The following GPR176 variants were observed in gnomAD, a reference collection of about 807,000 sequenced individuals.
GPR176 encodes G-protein coupled receptor 176.
Under a neutral mutation model 35.4 loss-of-function variants are expected in GPR176, and 26 were observed. The observed-to-expected ratio is 0.74, with a 90% CI of 0.54 to 1.02. GPR176 has a LOEUF of 1.02. GPR176 is among the 50% of genes least tolerant of loss of function. The probability of loss-of-function intolerance (pLI) is 0.00; values close to 1 mark genes in which losing one functional copy is unlikely to be tolerated. For missense variants in GPR176, 597 were observed against 665.3 expected, an observed-to-expected ratio of 0.90 and a Z score of 1.13; for synonymous variants, 278 against 271.3, an observed-to-expected ratio of 1.02 and a Z score of -0.24.
At chr15:39,865,216 A>G (rs1052207742) in intron 1 of GPR176, among the ~76,000 whole-genome samples, 2 of 152,124 alleles carry the variant, frequency 1.3e-5, no homozygotes, top group African/African-American at 4.8e-5. Context: ...CCCAAAGGAA[A>G]ACAGATCCTT....
rs1280728600 is a variant in GPR176, at chr15:39,802,371, G to A, written c.426-117C>T. The A allele has an allele frequency of 3.7e-6, 3 of 801,432 alleles. No homozygotes were observed. The East Asian group carries it at 8.1e-5, about 22-fold the overall frequency. The allele number at this position is 801,432 out of a possible 1,614,324, so 49.6% of individuals were successfully genotyped here. A position where few individuals can be genotyped will look rare whatever the true frequency, so the allele number is the denominator to read the frequency against. ...GGTCAAGTTCTTCTATTCGGCCTAA[G>A]ACAGAAAAGCACTGGGGGAATCCAG... On this transcript the variant is annotated intron_variant, in intron 2 of 2. Coordinates refer to ENST00000561100, the MANE Select transcript of GPR176 (RefSeq NM_007223.3).
rs570348729 is a variant in GPR176 at position 39,917,497 on chromosome 15, A to G, written c.172+2358T>C. ...ATTACACGTGCATGCCACCACATGC[A>G]GCTAATTTTTGTATTTTTAGTACAG... On this transcript the variant is annotated intron_variant, in intron 1 of 2. Transcript: ENST00000561100. Among the ~76,000 whole-genome samples the G allele has an allele frequency of 2.4e-4, 37 of 151,196 alleles. No individual in the cohort carries two copies. In the South Asian group the frequency reaches 2.9e-3, roughly 12 times the overall value.
At chr15:39,819,915 T>C (rs190827109) in intron 1 of GPR176, among the ~76,000 whole-genome samples, 1 of 152,196 alleles carries the variant, frequency 6.6e-6, no homozygotes, top group South Asian at 2.1e-4. Flanking sequence ...CTCCTTATGA[T>C]CTGACACAAT....
intron 1 of GPR176, among the ~76,000 whole-genome samples, chr15:39,898,071 T>C (rs376167678): frequency 6.2e-4 from 95 of 152,350 alleles, no homozygotes; most frequent in African/African-American, 2.3e-3. Flanking sequence ...CTGGGGACCA[T>C]ATTAGTGAAA....
intron 1 of GPR176, among the ~76,000 whole-genome samples, chr15:39,866,776 C>CT (rs1387287714): frequency 6.6e-6 from 1 of 152,138 alleles, no homozygotes; most frequent in East Asian, 1.9e-4. Flanking sequence ...TAAAGTTGAA[C>CT]TTTTTAAATG....
intron 1 of GPR176, among the ~76,000 whole-genome samples, chr15:39,901,375 C>T (rs928719689): frequency 2.6e-5 from 4 of 152,094 alleles, no homozygotes; most frequent in East Asian, 1.9e-4. Flanking sequence ...AGTCAGATTA[C>T]GGAAGGGGCC....
chr15:39,806,955 T>C lies in GPR176; in HGVS notation c.425+51A>G. ...TCATCATTTGCTTCATGATGCTAAT[T>C]TTTTAATACAACTTAAAAAAAAAAG... On this transcript the variant is annotated intron_variant, in intron 2 of 2. Coordinates refer to ENST00000561100, the MANE Select transcript of GPR176 (RefSeq NM_007223.3). 4 of 1,528,080 alleles carry C rather than the reference T, an allele frequency of 2.6e-6. No homozygotes were observed. In the African/African-American group the frequency reaches 5.5e-5, roughly 21 times the overall value. The allele number at this position is 1,528,080 out of a possible 1,614,324, so 94.7% of individuals were successfully genotyped here. A position where few individuals can be genotyped will look rare whatever the true frequency, so the allele number is the denominator to read the frequency against.
At chr15:39,837,527 C>T (rs1367826199) in intron 1 of GPR176, among the ~76,000 whole-genome samples, 1 of 152,168 alleles carries the variant, frequency 6.6e-6, no homozygotes, top group Admixed American at 6.5e-5. Context: ...TTTGATTCCA[C>T]AGATCCCATG....
intron 1 of GPR176, among the ~76,000 whole-genome samples, chr15:39,812,356 G>A (rs1235396640): frequency 1.3e-5 from 2 of 152,168 alleles, no homozygotes; most frequent in African/African-American, 2.4e-5. Context: ...GCAGAAAAAC[G>A]TGGAAAGACT....
intron 1 of GPR176, among the ~76,000 whole-genome samples, chr15:39,898,878 G>A (rs973397875): frequency 6.6e-6 from 1 of 152,148 alleles, no homozygotes; most frequent in African/African-American, 2.4e-5. Context: ...AGGGGTCAAG[G>A]AGCAAGAGAC....
chr15:39,825,490 T>C (rs1338904172), intron 1 of GPR176, among the ~76,000 whole-genome samples: 1 of 152,074 alleles, frequency 6.6e-6, no homozygotes, highest in African/African-American at 2.4e-5. Flanking sequence ...ATGGTATTAT[T>C]ATTTTGTAAA....
chr15:39,801,007 C>T lies in GPR176; in HGVS notation c.*125G>A. ...TCCCTATCATTCAAAAGCATCTGGC[C>T]CATATTGGAGGAATCAACTCACACT... On this transcript the variant is annotated 3_prime_UTR_variant, in exon 3 of 3. Transcript: ENST00000561100. 1.3e-6 allele frequency: 1 copy of T among 778,812 alleles called. No homozygotes were observed. Among genetic ancestry groups the T allele is most frequent in the South Asian group, 1.7e-5 (1 of 58,584 alleles). The allele number at this position is 778,812 out of a possible 1,614,324, so 48.2% of individuals were successfully genotyped here.
intron 1 of GPR176, among the ~76,000 whole-genome samples, chr15:39,837,466 A>G (rs887338016): frequency 6.6e-6 from 1 of 152,098 alleles, no homozygotes; most frequent in Non-Finnish European, 1.5e-5. Flanking sequence ...GGTAAATCCT[A>G]TTTAAGCTTT....
chr15:39,814,876 A>G (rs915409793), intron 1 of GPR176: 4 of 152,220 alleles, frequency 2.6e-5, no homozygotes, highest in Non-Finnish European at 5.9e-5. Context: ...CCCAGACTCA[A>G]TACCCAGCTC....
chr15:39,888,449 C>G (rs1289788605), intron 1 of GPR176, among the ~76,000 whole-genome samples: 1 of 152,124 alleles, frequency 6.6e-6, no homozygotes, highest in Admixed American at 6.5e-5. Context: ...TCACACTTGG[C>G]TAAGACTCTT....
chr15:39,886,785 C>T (rs999402430), intron 1 of GPR176, among the ~76,000 whole-genome samples: 1 of 152,158 alleles, frequency 6.6e-6, no homozygotes, highest in Non-Finnish European at 1.5e-5. Context: ...TAATGACAGA[C>T]CTGGGCCTGC....
chr15:39,813,611 T>C (rs940431275), intron 1 of GPR176: 2 of 152,162 alleles, frequency 1.3e-5, no homozygotes, highest in Admixed American at 6.5e-5. Flanking sequence ...TTTATAGCAG[T>C]TTAAATATGA....
rs778932190 is a variant in GPR176, at chr15:39,919,929, T to A, written c.98A>T (p.Glu33Val). 9.9e-6 allele frequency: 15 copies of A among 1,522,266 alleles called. No individual in the cohort carries two copies. Among genetic ancestry groups the A allele is most frequent in the Non-Finnish European group, 1.3e-5 (15 of 1,138,666 alleles). The allele number at this position is 1,522,266 out of a possible 1,614,324, so 94.3% of individuals were successfully genotyped here. A position where few individuals can be genotyped will look rare whatever the true frequency, so the allele number is the denominator to read the frequency against. ...GCGGTACAGCTGCGCCTCGCCGAAC[T>A]CCCCGAGCGCGCTGCGGTTCACACC... ...AAGVNRSALG[E>V]FGEAQLYRQF... Residue 33 changes from glutamate to valine, a missense_variant, in exon 1 of 3, where the codon GAG becomes GTG. Glu to Val is a moderately radical substitution (Grantham distance 121). Coordinates refer to ENST00000561100, the MANE Select transcript of GPR176 (RefSeq NM_007223.3).
rs749497622 is a variant in GPR176, at chr15:39,801,994, C to G, written c.686G>C (p.Arg229Pro). The G allele has an allele frequency of 6.2e-7, 1 of 1,613,900 alleles. No homozygotes were observed. The highest frequency in any genetic ancestry group is 8.5e-7 in the Non-Finnish European group (1 of 1,180,016). ...CTTCTGGCTGGCACTCAGGGCCCGT[C>G]GGATCAGTATCAAGAAGAGGAACAC... The part of the protein sequence containing the change: ...VVVFLFLILI[R>P]RALSASQKKK... The change falls in exon 3 of 3, where the codon CGA becomes CCA. Residue 229 changes from arginine (R) to proline (P), a missense_variant. Coordinates refer to ENST00000561100, the MANE Select transcript of GPR176 (RefSeq NM_007223.3).
Sources: allele counts gnomAD v4.1 joint callset (sites outside exome capture counted in the v4.1 genomes callset), GRCh38; gene constraint gnomAD v4.1.1; transcripts MANE v1.5; gene names NCBI Gene and HGNC (gene_info 2026-07-23, HGNC 2026-07-21).